Variants in COL18A1 observed in about 807,000 individuals in gnomAD.
The protein encoded by COL18A1 is collagen alpha-1(XVIII) chain.
COL18A1 carries 133 observed loss-of-function variants against 168.0 expected under a neutral mutation model. The observed-to-expected ratio is 0.79, with a 90% confidence interval of 0.69 to 0.91. COL18A1 has a LOEUF of 0.91. Among genes scored for constraint, COL18A1 ranks in the 40% least tolerant of loss-of-function variants. The pLI is 0.00. For missense variants in COL18A1, 2,126 were observed against 1,925.4 expected, an observed-to-expected ratio of 1.10 and a Z score of -1.95; for synonymous variants, 949 against 809.0, an observed-to-expected ratio of 1.17 and a Z score of -2.94.
chr21:45,477,813 C>T lies in COL18A1; in HGVS notation c.1069C>T (p.Pro357Ser), dbSNP rs1276725071. ...VPGPPGRAGP[P>S]GSPCLPGPPG... ...GGGCCCACCTGGCCGGGCAGGCCCCCCAGGATCCCCATGCCTACCTGGTCC... is the reference window on the plus strand; with the variant it reads ...GGGCCCACCTGGCCGGGCAGGCCCCTCAGGATCCCCATGCCTACCTGGTCC... The change falls in exon 8 of 42, where the codon CCA (proline) becomes TCA (serine). Residue 357 changes from proline (P) to serine (S), a missense_variant. By Grantham distance (74) the Pro-to-Ser change is moderately conservative. Coordinates refer to ENST00000651438, the MANE Select transcript of COL18A1 (RefSeq NM_001379500.1). The T allele has an allele frequency of 1.3e-6, 2 of 1,551,378 alleles. No individual in the cohort carries two copies. Among genetic ancestry groups the T allele is most frequent in the Non-Finnish European group, 1.7e-6 (2 of 1,147,410 alleles).
At chr21:45,439,878 T>C (rs1440158213) in intron 2 of COL18A1, among the ~76,000 whole-genome samples, 2 of 152,248 alleles carry the variant, frequency 1.3e-5, no homozygotes, top group Non-Finnish European at 2.9e-5. Context: ...GCTGTGAATG[T>C]AGCAAGGAGT....
intron 2 of COL18A1, among the ~76,000 whole-genome samples, chr21:45,437,287 TGC>T (rs2034152080): frequency 1.2e-5 from 1 of 83,060 alleles, no homozygotes; most frequent in African/African-American, 5.7e-5. Context: ...GGCACTCTCC[TGC>T]ACACACACAC....
In COL18A1 at chr21:45,456,648, G is replaced by T. The variant is rs559500998; in HGVS notation, c.107-11594G>T. The T allele has an allele frequency of 2.6e-5, 40 of 1,534,770 alleles. No individual in the cohort carries two copies. In the African/African-American group the frequency reaches 2.7e-4, roughly 11 times the overall value. ...CAGGTGCGGGCCGGGGCACGGGCGT[G>T]GGGGGGCCTGCTGCAGACGCACTGC... On this transcript the variant is annotated intron_variant, in intron 2 of 41. Coordinates refer to ENST00000651438, the MANE Select transcript of COL18A1 (RefSeq NM_001379500.1).
Position 45,493,489 on chromosome 21 carries a change from C to T in COL18A1, c.2278-12C>T. The T allele has an allele frequency of 6.4e-7, 1 of 1,555,556 alleles. No individual in the cohort carries two copies. Among genetic ancestry groups the T allele is most frequent in the South Asian group, 1.2e-5 (1 of 84,368 alleles). On this transcript the variant is annotated splice_polypyrimidine_tract_variant and intron_variant, in intron 25 of 41. Transcript: ENST00000651438. ...GCTGGCCCTGACTCTGCTGGACCTC[C>T]TGCCATTCCAGGGTGAGAAGGGTGA...
chr21:45,414,300 C>T (rs762856590), intron 2 of COL18A1, among the ~76,000 whole-genome samples: 9 of 152,258 alleles, frequency 5.9e-5, no homozygotes, highest in Non-Finnish European at 1.3e-4. Context: ...TTCGGGGGCA[C>T]ATCTTGATGC....
In COL18A1 at chr21:45,458,236, G is replaced by T. The variant is rs549555001; in HGVS notation, c.107-10006G>T. Reference sequence around the variant, plus strand: ...GGATGCGCCCCAGAAGCATAGGGCTGGAGCTCTCCGAGGCAGGGGCCGTGC... The same window carrying T: ...GGATGCGCCCCAGAAGCATAGGGCTTGAGCTCTCCGAGGCAGGGGCCGTGC... On this transcript the variant is annotated intron_variant, in intron 2 of 41. Transcript: ENST00000651438. Among the ~76,000 whole-genome samples, 16 of 151,372 alleles carry T rather than the reference G, an allele frequency of 1.1e-4. No homozygotes were observed. The East Asian group carries it at 3.1e-3, about 29-fold the overall frequency.
intron 28 of COL18A1, chr21:45,495,148 C>T: frequency 1.5e-6 from 1 of 648,918 alleles, no homozygotes; most frequent in South Asian, 1.8e-5. Flanking sequence ...GGCAGTGGGC[C>T]TGTGTGTGCT....
chr21:45,411,629 C>T (rs2033291935), intron 2 of COL18A1, among the ~76,000 whole-genome samples: 1 of 151,904 alleles, frequency 6.6e-6, no homozygotes, highest in Non-Finnish European at 1.5e-5. Flanking sequence ...GACACAGGCT[C>T]TGGAGGGCCC....
chr21:45,484,300 A>G (rs1480006537), intron 15 of COL18A1, among the ~76,000 whole-genome samples: 2 of 149,964 alleles, frequency 1.3e-5, no homozygotes, highest in Non-Finnish European at 2.9e-5. Context: ...ATATGTGCAC[A>G]CACACACCTC....
At chr21:45,467,244 C>A in intron 2 of COL18A1, 1 of 985,378 alleles carries the variant, frequency 1.0e-6, no homozygotes, top group Non-Finnish European at 1.2e-6. Flanking sequence ...ACCGGGGCTG[C>A]GTCCTGGCTT....
Position 45,512,224 on chromosome 21 carries a change from C to A in COL18A1, c.3846C>A (p.Asn1282Lys). ...GCGTGTGGCATGGCTCGGACCCCAA[C>A]GGGCGCAGGCTGACCGAGAGCTACT... ...QKSVWHGSDP[N>K]GRRLTESYCE... is the part of the protein sequence containing the mutation. The change falls in exon 42 of 42, where the codon AAC becomes AAA. Residue 1282 changes from asparagine (N) to lysine (K), a missense_variant. Transcript: ENST00000651438. The A allele has an allele frequency of 6.2e-7, 1 of 1,612,438 alleles. No homozygotes were observed.
chr21:45,504,633 C>G, intron 34 of COL18A1, 77 bp downstream of exon 34: 2 of 1,323,264 alleles, frequency 1.5e-6, no homozygotes, highest in East Asian at 5.0e-5. Flanking sequence ...TCCAGCCCGG[C>G]CTTCGACACC....
intron 39 of COL18A1, 112 bp from the exon 40 acceptor site, chr21:45,509,952 C>T (rs917816793): frequency 4.5e-5 from 56 of 1,255,734 alleles, no homozygotes; most frequent in South Asian, 5.7e-5. Context: ...TCCCGCTCAG[C>T]GCCCCTCGGC....
chr21:45,507,346 G>T, intron 37 of COL18A1: 1 of 621,318 alleles, frequency 1.6e-6, no homozygotes, highest in East Asian at 2.8e-5. Flanking sequence ...GTGCTGGGCA[G>T]GGAGGGCACC....
chr21:45,478,574 T>C (rs915028124), intron 9 of COL18A1, among the ~76,000 whole-genome samples: 1 of 151,468 alleles, frequency 6.6e-6, no homozygotes, highest in African/African-American at 2.4e-5. Flanking sequence ...ACAACTACCA[T>C]GAAGAAGGAA....
intron 33 of COL18A1, 118 bp from the exon 34 acceptor site, chr21:45,504,298 C>T: frequency 1.9e-6 from 2 of 1,068,212 alleles, no homozygotes; most frequent in Admixed American, 2.4e-5. Flanking sequence ...CAGCCAGCAG[C>T]TCCCAGGCCT....
At chr21:45,510,284 G>A in intron 40 of COL18A1, 23 bp downstream of exon 40, 1 of 1,582,142 alleles carries the variant, frequency 6.3e-7, no homozygotes, top group Non-Finnish European at 8.6e-7. Context: ...AGTCCTGAGG[G>A]CGCGGGCTCC....
rs77773061 is a variant in COL18A1, at chr21:45,454,604, C to T, written c.107-13638C>T. Among the ~76,000 whole-genome samples the T allele has an allele frequency of 6.0e-3, 912 of 152,346 alleles. 14 individuals are homozygous for T. Among genetic ancestry groups the T allele is most frequent in the African/African-American group, 0.021 (856 of 41,590 alleles). ...TGATCTTGAGCGGGGTCACCAGGCT[C>T]ATGCCTCAGTTTTCTTCATCTGTGA... On this transcript the variant is annotated intron_variant, in intron 2 of 41. Coordinates refer to ENST00000651438, the MANE Select transcript of COL18A1 (RefSeq NM_001379500.1).
chr21:45,405,226 A>T lies in COL18A1; in HGVS notation c.-5A>T, dbSNP rs1274832168. Reference sequence around the variant, plus strand: ...TCCCGCGGCGCTGACGGTCCTGGGGAGAGCATGGCGCCGAGGTGAGGCCGG... The same window carrying T: ...TCCCGCGGCGCTGACGGTCCTGGGGTGAGCATGGCGCCGAGGTGAGGCCGG... On this transcript the variant is annotated 5_prime_UTR_variant, in exon 1 of 42. Transcript: ENST00000651438. 3 of 127,104 alleles carry T rather than the reference A, an allele frequency of 2.4e-5. No homozygotes were observed. Among genetic ancestry groups the T allele is most frequent in the Non-Finnish European group, 3.9e-5 (3 of 76,606 alleles). 7.9% of individuals were successfully genotyped at this position (127,104 alleles called of 1,614,324 possible).
Sources: allele counts gnomAD v4.1 joint callset (sites outside exome capture counted in the v4.1 genomes callset), GRCh38; gene constraint gnomAD v4.1.1; transcripts MANE v1.5; gene names NCBI Gene and HGNC (gene_info 2026-07-23, HGNC 2026-07-21).